The following IRAG1 variants were observed in gnomAD, a reference collection of about 807,000 sequenced individuals.
IRAG1 encodes IP3R-associated cGMP kinase substrate.
IRAG1 carries 62 observed loss-of-function variants against 106.2 expected under a neutral mutation model. The ratio of observed to expected loss-of-function variants is 0.58; its 90% CI spans 0.48 to 0.72. IRAG1 has a LOEUF of 0.72. Among genes scored for constraint, IRAG1 ranks in the 30% least tolerant of loss-of-function variants. The pLI, the probability that IRAG1 is intolerant of heterozygous loss-of-function variation, is 0.00. For missense variants in IRAG1, 1,064 were observed against 1,140.7 expected (o/e 0.93, Z 0.97); for synonymous variants, 462 against 443.9 (o/e 1.04, Z -0.51).
At chr11:10,681,385 T>A (rs535459529) in intron 1 of IRAG1, among the ~76,000 whole-genome samples, 131 of 152,316 alleles carry the variant, frequency 8.6e-4, no homozygotes, top group East Asian at 2.5e-3. Context: ...ATGTTTTTTT[T>A]AAAAATACAA....
intron 10 of IRAG1, among the ~76,000 whole-genome samples, chr11:10,610,519 G>T (rs932922203): frequency 8.5e-5 from 13 of 152,268 alleles, no homozygotes; most frequent in African/African-American, 2.9e-4. Flanking sequence ...TCTTTCTCCT[G>T]TTTGAAAACA....
At chr11:10,631,938 G>A (rs759780792) in intron 4 of IRAG1, 53 bp downstream of exon 4, 106 of 1,510,512 alleles carry the variant, frequency 7.0e-5, no homozygotes, top group Non-Finnish European at 8.8e-5. Flanking sequence ...GCCCAGCCAC[G>A]CTGCCAGACC....
chr11:10,677,727 G>C (rs1860802572), intron 1 of IRAG1, among the ~76,000 whole-genome samples: 1 of 152,170 alleles, frequency 6.6e-6, no homozygotes, highest in Non-Finnish European at 1.5e-5. Context: ...CCTAGTTCCA[G>C]AACTTTTTCA....
chr11:10,683,342 C>T (rs753708471), intron 1 of IRAG1, among the ~76,000 whole-genome samples: 16 of 145,548 alleles, frequency 1.1e-4, no homozygotes, highest in Non-Finnish European at 1.9e-4. Flanking sequence ...AATGTGTATG[C>T]GGCTTAAAAG....
intron 1 of IRAG1, among the ~76,000 whole-genome samples, chr11:10,688,538 G>A (rs946515474): frequency 6.6e-6 from 1 of 152,030 alleles, no homozygotes; most frequent in African/African-American, 2.4e-5. Context: ...GGCCACTCTG[G>A]GAACCACATC....
chr11:10,602,301 T>C (rs551802034), intron 14 of IRAG1, among the ~76,000 whole-genome samples: 1 of 152,356 alleles, frequency 6.6e-6, no homozygotes, highest in Non-Finnish European at 1.5e-5. Flanking sequence ...CATAGATTCA[T>C]GTCATAGCAA....
chr11:10,609,700 C>T (rs3741042), intron 11 of IRAG1, 28 bp downstream of exon 11: 800,910 of 1,608,774 alleles, frequency 0.5, 202,620 homozygotes, highest in East Asian at 0.69. Flanking sequence ...CGGTACAGGG[C>T]CTTCTGTAAC....
chr11:10,634,547 A>G (rs1158609859), intron 2 of IRAG1, among the ~76,000 whole-genome samples: 6 of 151,890 alleles, frequency 4.0e-5, no homozygotes, highest in African/African-American at 1.2e-4. Context: ...ACATCTCCCC[A>G]TTTCTCCCAC....
Position 10,632,018 on chromosome 11 carries a change from C to A in IRAG1, c.373G>T (p.Val125Leu), listed in dbSNP as rs149354043. Reference protein sequence around the residue: ...HKRLSHRHLKVSTASLTSVDP... With the variant: ...HKRLSHRHLKLSTASLTSVDP... Reference sequence around the variant, plus strand: ...ACAGATGTCAGGGAGGCAGTGGACACCTTCAAGTGTCGGTGAGAAAGCCTC... The same window carrying A: ...ACAGATGTCAGGGAGGCAGTGGACAACTTCAAGTGTCGGTGAGAAAGCCTC... The change falls in exon 4 of 21, where the codon GTG becomes TTG. Residue 125 changes from valine to leucine, a missense_variant. Val to Leu is a conservative substitution (Grantham distance 32). Transcript: ENST00000423302. 14 of 1,613,826 alleles carry A rather than the reference C, an allele frequency of 8.7e-6. No homozygotes were observed. Among genetic ancestry groups the A allele is most frequent in the Admixed American group, 3.3e-5 (2 of 60,012 alleles).
chr11:10,593,814 T>C, intron 16 of IRAG1: 1 of 579,708 alleles, frequency 1.7e-6, no homozygotes. Context: ...ATCTGTTCTA[T>C]TTTAGCTTAT....
chr11:10,676,076 G>A (rs931829005), intron 1 of IRAG1, among the ~76,000 whole-genome samples: 1 of 152,226 alleles, frequency 6.6e-6, no homozygotes, highest in Admixed American at 6.5e-5. Flanking sequence ...CTAGAGAATC[G>A]TGATTTGATC....
At chr11:10,682,319 C>CT (rs1861321188) in intron 1 of IRAG1, among the ~76,000 whole-genome samples, 1 of 152,194 alleles carries the variant, frequency 6.6e-6, no homozygotes, top group Non-Finnish European at 1.5e-5. Flanking sequence ...CTCTGGGACT[C>CT]TAAAAAGTCA....
chr11:10,588,696 C>T (rs543329720), intron 18 of IRAG1, among the ~76,000 whole-genome samples: 14 of 152,220 alleles, frequency 9.2e-5, no homozygotes, highest in Non-Finnish European at 1.3e-4. Context: ...TTCCCCAGTT[C>T]CCCCAACCTT....
Position 10,575,073 on chromosome 11 carries a change from A to G in IRAG1, c.*1259T>C, listed in dbSNP as rs934590895. On this transcript the variant is annotated 3_prime_UTR_variant, in exon 21 of 21. Coordinates refer to ENST00000423302, the MANE Select transcript of IRAG1 (RefSeq NM_130385.4). ...AGCAAACAATATCAATAACAAAACA[A>G]AAATGCAAAACAATGACAACAAAAC... is the stretch of plus-strand genomic sequence containing the variant. 6 of 152,366 alleles carry G rather than the reference A, an allele frequency of 3.9e-5. No individual in the cohort carries two copies. The highest frequency in any genetic ancestry group is 2.0e-4 in the Admixed American group (3 of 15,308). 9.4% of individuals were successfully genotyped at this position (152,366 alleles called of 1,614,324 possible).
At chr11:10,652,451 G>C in intron 1 of IRAG1, 2 of 808,432 alleles carry the variant, frequency 2.5e-6, no homozygotes, top group Non-Finnish European at 3.6e-6. Flanking sequence ...AATGTGCTTC[G>C]AACTCCTCAA....
At chr11:10,683,242 T>C (rs1315238504) in intron 1 of IRAG1, among the ~76,000 whole-genome samples, 4 of 152,116 alleles carry the variant, frequency 2.6e-5, no homozygotes, top group Non-Finnish European at 5.9e-5. Context: ...TCCATTTGTT[T>C]TTCCTGAAGG....
At chr11:10,602,075 T>G (rs749045) in intron 14 of IRAG1, among the ~76,000 whole-genome samples, 20 of 152,182 alleles carry the variant, frequency 1.3e-4, no homozygotes, top group Non-Finnish European at 2.6e-4. Context: ...GGTCCCACAG[T>G]CATGCGTGGC....
intron 18 of IRAG1, among the ~76,000 whole-genome samples, chr11:10,585,333 T>C (rs1286437760): frequency 6.6e-6 from 1 of 152,120 alleles, no homozygotes. Flanking sequence ...TCACTTGATC[T>C]TTCCAATGAT....
intron 1 of IRAG1, chr11:10,690,196 C>T: frequency 3.0e-6 from 1 of 336,862 alleles, no homozygotes; most frequent in Non-Finnish European, 5.7e-6. Flanking sequence ...TCGAGACCAG[C>T]CTGGGCAACA....
Sources: gnomAD v4.1 joint callset for allele counts (sites outside exome capture counted in the v4.1 genomes callset) on GRCh38, gnomAD v4.1.1 for gene constraint, MANE v1.5 for transcripts, NCBI Gene and HGNC (gene_info 2026-07-23, HGNC 2026-07-21) for gene names.